Variants in APBA1 observed in about 807,000 individuals in gnomAD.
The protein encoded by APBA1 is amyloid beta precursor protein binding family A member 1.
A neutral mutation model predicts 86.6 loss-of-function variants in APBA1; 55 were observed. The ratio of observed to expected loss-of-function variants is 0.64; its 90% CI spans 0.51 to 0.80. APBA1 has a LOEUF of 0.80. Among genes scored for constraint, APBA1 ranks in the 30% least tolerant of loss-of-function variants. The pLI, the probability that APBA1 is intolerant of heterozygous loss-of-function variation, is 0.00. For synonymous variants in APBA1, 511 were observed against 493.9 expected, an observed-to-expected ratio of 1.03 and a Z score of -0.46; for missense variants, 1,090 against 1,183.0, an observed-to-expected ratio of 0.92 and a Z score of 1.15.
Position 69,456,304 on chromosome 9 carries a change from T to C in APBA1, c.1731A>G (p.Pro577=). 2 of 1,614,126 alleles carry C rather than the reference T, an allele frequency of 1.2e-6. No individual in the cohort carries two copies. The highest frequency in any genetic ancestry group is 1.7e-6 in the Non-Finnish European group (2 of 1,180,010). The change falls in exon 8 of 13, where the codon CCA becomes CCG. Residue 577 remains proline, a synonymous_variant. Coordinates refer to ENST00000265381, the MANE Select transcript of APBA1 (RefSeq NM_001163.4). ...TGTACTGCCTTTTCCCATCCTGGGATGGGTGGGACGCTTCCACGTTCTCCT... is the reference window on the plus strand; with the variant it reads ...TGTACTGCCTTTTCCCATCCTGGGACGGGTGGGACGCTTCCACGTTCTCCT... ...NSQENVEASH[P]SQDGKRQYKM...
At chr9:69,572,452 C>A (rs931761181) in intron 1 of APBA1, among the ~76,000 whole-genome samples, 7 of 152,346 alleles carry the variant, frequency 4.6e-5, no homozygotes, top group South Asian at 2.1e-4. Flanking sequence ...AAGCTCCAGT[C>A]AGAAGGAATT....
intron 1 of APBA1, among the ~76,000 whole-genome samples, chr9:69,640,401 T>G (rs1028133989): frequency 9.2e-5 from 14 of 152,042 alleles, no homozygotes; most frequent in African/African-American, 3.4e-4. Flanking sequence ...AAGTTTAGAA[T>G]TGCTGGGAGT....
At chr9:69,658,270 T>TTC (rs147766453) in intron 1 of APBA1, among the ~76,000 whole-genome samples, 2 of 79,554 alleles carry the variant, frequency 2.5e-5, no homozygotes, top group Non-Finnish European at 5.1e-5. Context: ...CTTTCTTTCT[T>TTC]TCTTTCTTTC....
In APBA1 at chr9:69,598,112, T is replaced by G. The variant is rs570907374; in HGVS notation, c.-70+74041A>C. The stretch of plus-strand genomic sequence containing the variant: ...TGGAATACTATGCAGCCATAAAAAA[T>G]GATGAGTTCATGTCCTTTGTAGGGA... On this transcript the variant is annotated intron_variant, in intron 1 of 12. Coordinates refer to ENST00000265381, the MANE Select transcript of APBA1 (RefSeq NM_001163.4). Among the ~76,000 whole-genome samples the G allele has an allele frequency of 6.5e-4, 99 of 151,824 alleles. 1 individual carries two copies. In the South Asian group the frequency reaches 0.019, roughly 30 times the overall value.
intron 1 of APBA1, among the ~76,000 whole-genome samples, chr9:69,647,432 A>C (rs889634773): frequency 7.2e-5 from 11 of 152,198 alleles, no homozygotes; most frequent in African/African-American, 2.7e-4. Context: ...CATCTTCCTA[A>C]GAGTTTATCA....
At chr9:69,457,032 A>C in intron 7 of APBA1, 21 bp downstream of exon 7, 1 of 1,603,708 alleles carries the variant, frequency 6.2e-7, no homozygotes, top group Non-Finnish European at 8.5e-7. Flanking sequence ...CACCCTGGGA[A>C]AGGTGGAAGC....
At chr9:69,670,247 A>G (rs1362665322) in intron 1 of APBA1, among the ~76,000 whole-genome samples, 3 of 152,224 alleles carry the variant, frequency 2.0e-5, no homozygotes, top group Non-Finnish European at 2.9e-5. Context: ...AAAAAAAAGC[A>G]TATGTGGATA....
chr9:69,526,841 C>T (rs920519353), intron 1 of APBA1, among the ~76,000 whole-genome samples: 5 of 151,916 alleles, frequency 3.3e-5, no homozygotes, highest in African/African-American at 9.7e-5. Flanking sequence ...CAATGGTGGG[C>T]TGGATAAAGA....
intron 1 of APBA1, among the ~76,000 whole-genome samples, chr9:69,553,861 T>C (rs977019791): frequency 2.0e-5 from 3 of 152,220 alleles, no homozygotes; most frequent in African/African-American, 7.2e-5. Context: ...ATTAAATATA[T>C]TTGGTTCAGC....
intron 2 of APBA1, among the ~76,000 whole-genome samples, chr9:69,503,150 T>C (rs1195982293): frequency 6.6e-6 from 1 of 152,128 alleles, no homozygotes; most frequent in East Asian, 1.9e-4. Flanking sequence ...AGTGTTTGCC[T>C]TTCTCTGTGT....
At chr9:69,504,412 T>TTA (rs1835922603) in intron 2 of APBA1, among the ~76,000 whole-genome samples, 2 of 152,106 alleles carry the variant, frequency 1.3e-5, no homozygotes, top group Non-Finnish European at 2.9e-5. Context: ...TCCATTTGCT[T>TTA]TATGTCTTTG....
chr9:69,450,979 G>A (rs1834998394), intron 9 of APBA1, among the ~76,000 whole-genome samples: 1 of 152,158 alleles, frequency 6.6e-6, no homozygotes. Flanking sequence ...ACAACACCTT[G>A]CTTTTGGACT....
At chr9:69,522,459 A>G (rs1193089302) in intron 1 of APBA1, among the ~76,000 whole-genome samples, 1 of 152,178 alleles carries the variant, frequency 6.6e-6, no homozygotes, top group African/African-American at 2.4e-5. Context: ...TTAAGTGCCT[A>G]AAGAATGCAA....
chr9:69,469,252 T>C (rs1564043735), intron 4 of APBA1, among the ~76,000 whole-genome samples: 1 of 152,216 alleles, frequency 6.6e-6, no homozygotes, highest in Non-Finnish European at 1.5e-5. Flanking sequence ...TTAAATTAGG[T>C]AACTTGTAAT....
At position 69,656,793 on chromosome 9, in the gene APBA1, G is replaced by A. The variant is rs142060091; in HGVS notation, c.-70+15360C>T. Among the ~76,000 whole-genome samples, 63 of 150,948 alleles carry A rather than the reference G, an allele frequency of 4.2e-4. No homozygotes were observed. The East Asian group carries it at 7.0e-3, about 17-fold the overall frequency. On this transcript the variant is annotated intron_variant, in intron 1 of 12. Transcript: ENST00000265381. ...TTTATTATCACATTGGATGTATTAT[G>A]TGACTAGTAGTCAAACTTTTCACCA...
At chr9:69,630,420 C>T (rs568448630) in intron 1 of APBA1, among the ~76,000 whole-genome samples, 6 of 152,284 alleles carry the variant, frequency 3.9e-5, no homozygotes, top group Admixed American at 2.6e-4. Flanking sequence ...CAAACACATT[C>T]TAATATCTTC....
Position 69,488,389 on chromosome 9 carries a change from TAAG to T in APBA1, c.1201-12249_1201-12247del, listed in dbSNP as rs768605866. Among the ~76,000 whole-genome samples, 5 of 152,126 alleles carry T rather than the reference TAAG, an allele frequency of 3.3e-5. No individual in the cohort carries two copies. In the East Asian group the frequency reaches 9.6e-4, roughly 29 times the overall value. On this transcript the variant is annotated intron_variant, in intron 2 of 12. Transcript: ENST00000265381. ...TAAAATCAGTACTACTTCTCTGTTC[TAAG>T]AATTCGTGTACAGTTGGAACTACAA... is the stretch of plus-strand genomic sequence containing the variant.
intron 2 of APBA1, among the ~76,000 whole-genome samples, chr9:69,503,979 G>A (rs1433739459): frequency 6.6e-6 from 1 of 152,100 alleles, no homozygotes; most frequent in African/African-American, 2.4e-5. Flanking sequence ...GAGAAAGGGT[G>A]CATATGAGGT....
At chr9:69,615,451 G>A (rs1194491699) in intron 1 of APBA1, among the ~76,000 whole-genome samples, 1 of 152,130 alleles carries the variant, frequency 6.6e-6, no homozygotes, top group Non-Finnish European at 1.5e-5. Context: ...GCTTTGACTG[G>A]AATATCATAT....
Sources: allele counts gnomAD v4.1 joint callset (sites outside exome capture counted in the v4.1 genomes callset), GRCh38; gene constraint gnomAD v4.1.1; transcripts MANE v1.5; gene names NCBI Gene and HGNC (gene_info 2026-07-23, HGNC 2026-07-21).